Variants in VPS53 observed in about 807,000 individuals in gnomAD.
VPS53 encodes VPS53 subunit of GARP complex.
Under a neutral mutation model 107.0 loss-of-function variants are expected in VPS53, and 70 were observed. That is an observed-to-expected ratio of 0.65 (90% confidence interval 0.54 to 0.80). The LOEUF (loss-of-function observed/expected upper bound fraction) is 0.80, where lower values mean the gene tolerates loss of function less well. Ranked by LOEUF, VPS53 falls within the 30% of genes least tolerant of loss-of-function variation. The pLI is 0.00. For missense variants in VPS53, 917 were observed against 1,049.4 expected, an observed-to-expected ratio of 0.87 and a Z score of 1.74; for synonymous variants, 409 against 393.3, an observed-to-expected ratio of 1.04 and a Z score of -0.47.
chr17:549,690 A>T (rs1000366229), intron 17 of VPS53, among the ~76,000 whole-genome samples: 1 of 152,150 alleles, frequency 6.6e-6, no homozygotes, highest in African/African-American at 2.4e-5. Context: ...GCTGGCACAG[A>T]TCCCACTCAG....
intron 17 of VPS53, among the ~76,000 whole-genome samples, chr17:547,216 C>A (rs149001754): frequency 6.6e-6 from 1 of 151,914 alleles, no homozygotes; most frequent in Admixed American, 6.6e-5. Context: ...CATGTTCACA[C>A]GAAAAATTGT....
chr17:576,155 C>G (rs1411161801), intron 13 of VPS53, among the ~76,000 whole-genome samples: 1 of 151,728 alleles, frequency 6.6e-6, no homozygotes, highest in Non-Finnish European at 1.5e-5. Context: ...TTCCAAAGAA[C>G]CTCCCTCAGA....
chr17:583,329 C>T (rs570626812), intron 13 of VPS53, among the ~76,000 whole-genome samples: 1 of 151,804 alleles, frequency 6.6e-6, no homozygotes, highest in Admixed American at 6.6e-5. Flanking sequence ...AATGCATTCC[C>T]ACAGAACCTC....
intron 16 of VPS53, 101 bp from the exon 17 acceptor site, chr17:552,051 T>A (rs1381408865): frequency 4.4e-6 from 5 of 1,126,232 alleles, no homozygotes; most frequent in Non-Finnish European, 6.2e-6. Flanking sequence ...ATCATTTCAC[T>A]GGCAAAGTTT....
chr17:618,418 TATTTCCC>T (rs2143017632), intron 11 of VPS53, among the ~76,000 whole-genome samples: 2 of 132,608 alleles, frequency 1.5e-5, no homozygotes, highest in South Asian at 5.3e-4. Context: ...GCCCCACTAA[TATTTCCC>T]GGGTAGCTGG....
intron 13 of VPS53, among the ~76,000 whole-genome samples, chr17:584,152 CATG>C (rs1374857402): frequency 2.0e-5 from 3 of 152,260 alleles, no homozygotes; most frequent in Non-Finnish European, 2.9e-5. Flanking sequence ...TTGCTCTCCC[CATG>C]GGAGCCACCT....
At chr17:542,669 G>A (rs1292904197) in intron 17 of VPS53, among the ~76,000 whole-genome samples, 1 of 152,134 alleles carries the variant, frequency 6.6e-6, no homozygotes, top group African/African-American at 2.4e-5. Context: ...GGTGATTTAA[G>A]TTTTATTCTT....
At chr17:596,111 C>T (rs939662898) in intron 12 of VPS53, among the ~76,000 whole-genome samples, 1 of 152,150 alleles carries the variant, frequency 6.6e-6, no homozygotes. Context: ...ATTTATGAGC[C>T]CATAATTATT....
intron 7 of VPS53, among the ~76,000 whole-genome samples, chr17:638,841 C>T (rs1202437390): frequency 1.3e-5 from 2 of 152,182 alleles, no homozygotes; most frequent in Admixed American, 6.5e-5. Flanking sequence ...CTCTGACTGC[C>T]TTTAACATTT....
intron 13 of VPS53, among the ~76,000 whole-genome samples, chr17:571,873 G>T (rs1468099594): frequency 6.6e-6 from 1 of 152,220 alleles, no homozygotes; most frequent in Admixed American, 6.5e-5. Context: ...GGAGTGCAGG[G>T]GCGTGATCTC....
chr17:695,090 T>C lies in VPS53; in HGVS notation c.285+2328A>G, dbSNP rs544900674. On this transcript the variant is annotated intron_variant, in intron 4 of 21. Transcript: ENST00000437048. ...ATACAGTTCTTACCTTCCAGGAGCT[T>C]ACAAACATCAAAGGGATGAGACTTG... Among the ~76,000 whole-genome samples the C allele has an allele frequency of 3.3e-5, 5 of 152,278 alleles. No individual in the cohort carries two copies. In the South Asian group the frequency reaches 1.0e-3, roughly 32 times the overall value.
In VPS53 at chr17:686,589, T is replaced by C. The variant is rs1342777986; in HGVS notation, c.285+10829A>G. Among the ~76,000 whole-genome samples the C allele has an allele frequency of 9.2e-5, 14 of 152,144 alleles. No individual in the cohort carries two copies. In the East Asian group the frequency reaches 2.7e-3, roughly 29 times the overall value. On this transcript the variant is annotated intron_variant, in intron 4 of 21. Coordinates refer to ENST00000437048, the MANE Select transcript of VPS53 (RefSeq NM_001128159.3). ...AGGTAAGCTGTGCCGCCATTTTTAT[T>C]CACAGAGAACAGCACGCTGAAGGCA...
intron 12 of VPS53, among the ~76,000 whole-genome samples, chr17:589,346 A>G (rs900971291): frequency 6.6e-6 from 1 of 152,108 alleles, no homozygotes; most frequent in African/African-American, 2.4e-5. Context: ...TTAAAAGCCT[A>G]TATATTATAG....
intron 7 of VPS53, among the ~76,000 whole-genome samples, chr17:641,359 GC>G (rs1250634121): frequency 6.6e-6 from 1 of 152,194 alleles, no homozygotes; most frequent in Non-Finnish European, 1.5e-5. Flanking sequence ...TTTATCTTTG[GC>G]CTCATTCCTT....
intron 12 of VPS53, among the ~76,000 whole-genome samples, chr17:591,888 T>C (rs545118222): frequency 1.3e-5 from 2 of 152,282 alleles, no homozygotes; most frequent in South Asian, 2.1e-4. Flanking sequence ...GGTGGAGAGT[T>C]CTGTAGATGT....
chr17:587,107 G>C (rs763644082), intron 12 of VPS53, among the ~76,000 whole-genome samples: 7 of 151,944 alleles, frequency 4.6e-5, no homozygotes, highest in Admixed American at 2.0e-4. Context: ...CTGTCACCCA[G>C]GCTAAAGTGC....
chr17:691,025 G>A (rs1972759487), intron 4 of VPS53, among the ~76,000 whole-genome samples: 1 of 152,170 alleles, frequency 6.6e-6, no homozygotes, highest in Admixed American at 6.5e-5. Flanking sequence ...TGTATATGTT[G>A]ACACAGCATG....
chr17:640,836 G>A (rs1970396228), intron 7 of VPS53, among the ~76,000 whole-genome samples: 1 of 151,936 alleles, frequency 6.6e-6, no homozygotes. Context: ...AAATGTCAAT[G>A]TTTCCAACAG....
chr17:708,680 C>T (rs1376779905), intron 2 of VPS53, among the ~76,000 whole-genome samples: 2 of 152,172 alleles, frequency 1.3e-5, no homozygotes, highest in African/African-American at 4.8e-5. Context: ...TTCCCAGGCA[C>T]TGGCACTACC....
Sources: gnomAD v4.1 joint callset for allele counts (sites outside exome capture counted in the v4.1 genomes callset) on GRCh38, gnomAD v4.1.1 for gene constraint, MANE v1.5 for transcripts, NCBI Gene and HGNC (gene_info 2026-07-23, HGNC 2026-07-21) for gene names.